The following NCKAP5 variants were observed in gnomAD, a reference collection of about 807,000 sequenced individuals.
The protein encoded by NCKAP5 is nck-associated protein 5.
In NCKAP5, 92 loss-of-function variants were observed where a neutral mutation model predicts 167.0. The observed-to-expected ratio is 0.55, with a 90% CI of 0.47 to 0.66. The LOEUF (loss-of-function observed/expected upper bound fraction) is 0.66. Ranked by LOEUF, NCKAP5 falls within the 30% of genes least tolerant of loss-of-function variation. NCKAP5 has a pLI of 0.00. For missense variants in NCKAP5, 2,378 were observed against 2,315.0 expected, an observed-to-expected ratio of 1.03 and a Z score of -0.56; for synonymous variants, 891 against 877.4, an observed-to-expected ratio of 1.02 and a Z score of -0.27.
At chr2:133,634,805 ATTAT>A in the NCKAP5 span, among the ~76,000 whole-genome samples, 3 of 152,056 alleles carry the variant, frequency 2.0e-5, no homozygotes, top group Admixed American at 2.0e-4. Flanking sequence ...ACATTTAAAA[ATTAT>A]TCATTGTTCA....
intron 4 of NCKAP5, among the ~76,000 whole-genome samples, chr2:133,294,646 A>G (rs1679834983): frequency 1.3e-5 from 2 of 152,234 alleles, no homozygotes; most frequent in South Asian, 4.1e-4. Context: ...TATCAAAATT[A>G]TGGAGAACAT....
intron 5 of NCKAP5, among the ~76,000 whole-genome samples, chr2:133,199,504 G>A (rs974065593): frequency 5.9e-5 from 9 of 151,992 alleles, no homozygotes; most frequent in Non-Finnish European, 1.2e-4. Context: ...TCAAGGTAAT[G>A]CAAATTAATG....
intron 3 of NCKAP5, among the ~76,000 whole-genome samples, chr2:133,402,504 G>T (rs1000498790): frequency 6.6e-6 from 1 of 152,144 alleles, no homozygotes; most frequent in African/African-American, 2.4e-5. Context: ...TGGATGTTCT[G>T]TTCCCTCCAA....
intron 3 of NCKAP5, among the ~76,000 whole-genome samples, chr2:133,513,780 G>A (rs1208536306): frequency 6.6e-6 from 1 of 152,112 alleles, no homozygotes; most frequent in Non-Finnish European, 1.5e-5. Context: ...GAAGAAAAGA[G>A]GGTACCAGGA....
At chr2:133,622,682 C>G in the NCKAP5 span, among the ~76,000 whole-genome samples, 1 of 152,112 alleles carries the variant, frequency 6.6e-6, no homozygotes, top group Non-Finnish European at 1.5e-5. Context: ...AGAAAACACA[C>G]TCCATGCTCA....
At chr2:133,423,174 A>AT (rs1301032632) in intron 3 of NCKAP5, among the ~76,000 whole-genome samples, 1 of 152,142 alleles carries the variant, frequency 6.6e-6, no homozygotes, top group Non-Finnish European at 1.5e-5. Context: ...CTGTTGCAAT[A>AT]TTTTACTACA....
At chr2:133,643,137 C>A in the NCKAP5 span, among the ~76,000 whole-genome samples, 7 of 152,156 alleles carry the variant, frequency 4.6e-5, no homozygotes, top group African/African-American at 1.7e-4. Flanking sequence ...CAAACTTTAT[C>A]ATTGTTAATT....
chr2:133,159,053 G>C (rs962578294), intron 5 of NCKAP5, among the ~76,000 whole-genome samples: 1 of 151,894 alleles, frequency 6.6e-6, no homozygotes, highest in Non-Finnish European at 1.5e-5. Flanking sequence ...AGATTGTTTT[G>C]GATTATAAGG....
chr2:133,393,689 A>C (rs894735744), intron 3 of NCKAP5, among the ~76,000 whole-genome samples: 1 of 152,240 alleles, frequency 6.6e-6, no homozygotes, highest in African/African-American at 2.4e-5. Flanking sequence ...GTTCTAACCT[A>C]ACCTCCAGAA....
intron 4 of NCKAP5, among the ~76,000 whole-genome samples, chr2:133,294,296 C>T (rs778585572): frequency 3.3e-5 from 5 of 152,162 alleles, no homozygotes; most frequent in Non-Finnish European, 7.3e-5. Context: ...TACTCGGCGT[C>T]CCCTTAGTCT....
intron 18 of NCKAP5, 51 bp downstream of exon 18, chr2:132,728,765 G>C (rs1690704057): frequency 6.3e-7 from 1 of 1,586,030 alleles, no homozygotes; most frequent in African/African-American, 1.4e-5. Flanking sequence ...ACACTTTTTA[G>C]AATCAGGACC....
intron 7 of NCKAP5, among the ~76,000 whole-genome samples, chr2:132,973,807 A>G (rs1458240912): frequency 1.3e-5 from 2 of 152,138 alleles, no homozygotes; most frequent in Non-Finnish European, 2.9e-5. Flanking sequence ...GGTTAAAGCT[A>G]CCTGTAAGAA....
rs979781590 is a variant in NCKAP5 at position 133,275,294 on chromosome 2, T to G, written c.143+27743A>C. Among the ~76,000 whole-genome samples the G allele has an allele frequency of 2.6e-5, 4 of 152,042 alleles. No individual in the cohort carries two copies. In the East Asian group the frequency reaches 7.7e-4, roughly 29 times the overall value. ...ATGTGTAGAAAGACCTCTTCCACAT[T>G]GCAGGTGGGAATAATTTGGATATAT... On this transcript the variant is annotated intron_variant, in intron 4 of 19. Transcript: ENST00000409261.
chr2:133,418,071 C>T (rs1404306146), intron 3 of NCKAP5, among the ~76,000 whole-genome samples: 1 of 152,210 alleles, frequency 6.6e-6, no homozygotes, highest in Admixed American at 6.5e-5. Flanking sequence ...ATGTTGAGAC[C>T]CACTTCACTT....
intron 19 of NCKAP5, among the ~76,000 whole-genome samples, chr2:132,677,830 C>T (rs952377304): frequency 1.3e-5 from 2 of 152,014 alleles, no homozygotes; most frequent in African/African-American, 2.4e-5. Context: ...TTCCAAACTG[C>T]GTTCTAATCT....
In NCKAP5 at chr2:133,509,932, GA is replaced by G. The variant is rs532458205; in HGVS notation, c.69+7525del. Among the ~76,000 whole-genome samples the G allele has an allele frequency of 1.6e-3, 247 of 152,304 alleles. 1 individual carries two copies. Among genetic ancestry groups the G allele is most frequent in the African/African-American group, 5.6e-3 (233 of 41,570 alleles). ...AAGGGGCGTGTTCATAAGAACTCCG[GA>G]ACATGTGGCTTCGATGACAGCCTGC... On this transcript the variant is annotated intron_variant, in intron 3 of 19. Transcript: ENST00000409261.
intron 6 of NCKAP5, among the ~76,000 whole-genome samples, chr2:133,017,318 TTGGG>T (rs1423828922): frequency 6.6e-6 from 1 of 152,232 alleles, no homozygotes; most frequent in Non-Finnish European, 1.5e-5. Flanking sequence ...TGGGAAACCC[TTGGG>T]TATGCAGATT....
In NCKAP5 at chr2:133,261,204, G is replaced by T. The variant is rs116103665; in HGVS notation, c.143+41833C>A. Among the ~76,000 whole-genome samples, 334 of 152,108 alleles carry T rather than the reference G, an allele frequency of 2.2e-3. 2 individuals are homozygous for T. The highest frequency in any genetic ancestry group is 7.6e-3 in the African/African-American group (314 of 41,500). ...ACGGAGTGTAGGGGATCAAGAGATT[G>T]TTGAACCCAAATACAACCCTGTATA... On this transcript the variant is annotated intron_variant, in intron 4 of 19. Coordinates refer to ENST00000409261, the MANE Select transcript of NCKAP5 (RefSeq NM_207363.3).
In NCKAP5 at chr2:133,405,171, G is replaced by T. The variant is rs1688345388; in HGVS notation, c.70-102061C>A. On this transcript the variant is annotated intron_variant, in intron 3 of 19. Coordinates refer to ENST00000409261, the MANE Select transcript of NCKAP5 (RefSeq NM_207363.3). Reference sequence around the variant, plus strand: ...CTGAGTTACGTTTCTCTGAGCCTAGGGTCACAACATTTTTGTCAACTGATC... The same window carrying T: ...CTGAGTTACGTTTCTCTGAGCCTAGTGTCACAACATTTTTGTCAACTGATC... 2.0e-5 allele frequency among the ~76,000 whole-genome samples: 3 copies of T among 152,100 alleles called. No homozygotes were observed. The South Asian group carries it at 6.2e-4, about 32-fold the overall frequency.
Sources: gnomAD v4.1 joint callset for allele counts (sites outside exome capture counted in the v4.1 genomes callset) on GRCh38, gnomAD v4.1.1 for gene constraint, MANE v1.5 for transcripts, NCBI Gene and HGNC (gene_info 2026-07-23, HGNC 2026-07-21) for gene names.